KCNK12: variants seen among roughly 807,000 people sequenced by gnomAD.
KCNK12 encodes the protein potassium channel subfamily K member 12.
Under a neutral mutation model 25.3 loss-of-function variants are expected in KCNK12, and 6 were observed. That is an observed-to-expected ratio of 0.24 (90% CI 0.13 to 0.47). The LOEUF (loss-of-function observed/expected upper bound fraction) is 0.47. Ranked by LOEUF, KCNK12 falls within the 20% of genes least tolerant of loss-of-function variation. The pLI, the probability that KCNK12 is intolerant of heterozygous loss-of-function variation, is 0.99. For synonymous variants in KCNK12, 331 were observed against 311.1 expected, an observed-to-expected ratio of 1.06 and a Z score of -0.67; for missense variants, 444 against 661.7, an observed-to-expected ratio of 0.67 and a Z score of 3.61.
chr2:47,518,699 A>G lies in KCNK12; in HGVS notation c.*2208T>C. On this transcript the variant is annotated 3_prime_UTR_variant, in exon 2 of 2. Transcript: ENST00000327876. The surrounding 1 kb of genome is among the most constrained non-coding windows in gnomAD (Gnocchi z 4.1). The stretch of plus-strand genomic sequence containing the variant: ...TGATGCCTGGGTTTTAGGCTGCTGT[A>G]CTGTTGCTGGGGCTCACTTCCTGTG... 6.6e-6 allele frequency: 1 copy of G among 152,562 alleles called. No individual in the cohort carries two copies. The highest frequency in any genetic ancestry group is 1.5e-5 in the Non-Finnish European group (1 of 68,264). 9.5% of individuals were successfully genotyped at this position (152,562 alleles called of 1,614,324 possible). A position where few individuals can be genotyped will look rare whatever the true frequency, so the allele number is the denominator to read the frequency against.
rs1668874786 is a variant in KCNK12, at chr2:47,529,636, AGTTCCTTACC to A, written c.392-7838_392-7829del. On this transcript the variant is annotated intron_variant, in intron 1 of 1. Transcript: ENST00000327876. The surrounding 1 kb of genome is among the most constrained non-coding windows in gnomAD (Gnocchi z 4.3). ...TAGTCTAGGCCAATCAGGATAATCCAGTTCCTTACCATGACTGGCTCAAGAATGGGTAGAC... is the reference window on the plus strand; with the variant it reads ...TAGTCTAGGCCAATCAGGATAATCCAATGACTGGCTCAAGAATGGGTAGAC... 6.6e-6 allele frequency among the ~76,000 whole-genome samples: 1 copy of A among 152,226 alleles called. No homozygotes were observed. Among genetic ancestry groups the A allele is most frequent in the African/African-American group, 2.4e-5 (1 of 41,456 alleles).
intron 1 of KCNK12, among the ~76,000 whole-genome samples, chr2:47,532,386 G>C (rs561231191): frequency 6.6e-6 from 1 of 152,094 alleles, no homozygotes; most frequent in African/African-American, 2.4e-5. Flanking sequence ...CTTTGAGACA[G>C]GATCTTGCTC....
intron 1 of KCNK12, among the ~76,000 whole-genome samples, chr2:47,559,261 C>T (rs1364638173): frequency 1.3e-5 from 2 of 152,322 alleles, no homozygotes; most frequent in East Asian, 1.9e-4. Flanking sequence ...CACCTGCCAG[C>T]CACTGAGAGA....
Position 47,512,771 on chromosome 2 carries a change from G to T in KCNK12, c.*8136C>A. The T allele has an allele frequency of 4.6e-6, 1 of 217,726 alleles. No individual in the cohort carries two copies. Among genetic ancestry groups the T allele is most frequent in the Non-Finnish European group, 9.2e-6 (1 of 108,778 alleles). 13.5% of individuals were successfully genotyped at this position (217,726 alleles called of 1,614,324 possible). A position where few individuals can be genotyped will look rare whatever the true frequency, so the allele number is the denominator to read the frequency against. ...CCACTGGGAGAGCCTGTTGGTTGGG[G>T]AGGGCAGGAAGAGGGAGGAAAGAGG... On this transcript the variant is annotated 3_prime_UTR_variant, in exon 2 of 2. Transcript: ENST00000327876.
At chr2:47,539,539 G>A (rs1396161958) in intron 1 of KCNK12, among the ~76,000 whole-genome samples, 1 of 152,094 alleles carries the variant, frequency 6.6e-6, no homozygotes, top group African/African-American at 2.4e-5. Context: ...GGCCACAAAC[G>A]CAGGAGAGGA....
intron 1 of KCNK12, among the ~76,000 whole-genome samples, chr2:47,522,596 C>A (rs540440863): frequency 6.6e-6 from 1 of 152,222 alleles, no homozygotes; most frequent in Non-Finnish European, 1.5e-5. Context: ...CCACCTCAGC[C>A]TCCCAAGTGA....
Position 47,542,487 on chromosome 2 carries a change from T to A in KCNK12, c.392-20679A>T, listed in dbSNP as rs1435935395. 2.0e-5 allele frequency among the ~76,000 whole-genome samples: 3 copies of A among 152,236 alleles called. No individual in the cohort carries two copies. The East Asian group carries it at 5.8e-4, about 29-fold the overall frequency. On this transcript the variant is annotated intron_variant, in intron 1 of 1. Transcript: ENST00000327876. Reference sequence around the variant, plus strand: ...ATGCCTTGATAAACTGTAAAATGCCTCTGCCACCCATTCTCCCTTCTTGCT... The same window carrying A: ...ATGCCTTGATAAACTGTAAAATGCCACTGCCACCCATTCTCCCTTCTTGCT...
chr2:47,534,521 C>G (rs1342059418), intron 1 of KCNK12, among the ~76,000 whole-genome samples: 1 of 124,194 alleles, frequency 8.1e-6, no homozygotes, highest in Admixed American at 7.9e-5. Flanking sequence ...TCTAACCCCC[C>G]CCCCCGCCCC....
rs1396846932 is a variant in KCNK12, at chr2:47,562,843, T to G, written c.391+7098A>C. 4.3e-6 allele frequency: 1 copy of G among 232,944 alleles called. No homozygotes were observed. Among genetic ancestry groups the G allele is most frequent in the Non-Finnish European group, 8.5e-6 (1 of 117,976 alleles). 14.4% of individuals were successfully genotyped at this position (232,944 alleles called of 1,614,324 possible). A position where few individuals can be genotyped will look rare whatever the true frequency, so the allele number is the denominator to read the frequency against. On this transcript the variant is annotated intron_variant, in intron 1 of 1. Transcript: ENST00000327876. This position sits in a 1 kb window ranked among gnomAD's most constrained non-coding sequence, Gnocchi z 4.8. ...TATGACCGTGTCTCTTAAAAAAACT[T>G]TGGTGAGGATCAGAGGCTGGACTCT...
rs371819576 is a variant in KCNK12, at chr2:47,562,277, G to A, written c.391+7664C>T. 2.5e-6 allele frequency: 1 copy of A among 396,438 alleles called. No homozygotes were observed. 24.6% of individuals were successfully genotyped at this position (396,438 alleles called of 1,614,324 possible). Reference sequence around the variant, plus strand: ...TTCCTGGTCTGTAACATCTGTTGCTGTTGAGTATAAAGACACTGTGAACAT... The same window carrying A: ...TTCCTGGTCTGTAACATCTGTTGCTATTGAGTATAAAGACACTGTGAACAT... On this transcript the variant is annotated intron_variant, in intron 1 of 1. Coordinates refer to ENST00000327876, the MANE Select transcript of KCNK12 (RefSeq NM_022055.2). The surrounding 1 kb of genome is among the most constrained non-coding windows in gnomAD (Gnocchi z 4.8).
rs1054756259 is a variant in KCNK12, at chr2:47,551,261, G to A, written c.391+18680C>T. ...CTAAGGGACCCTGGCACTGGCTGGA[G>A]CCCTCTTCCTCCAGGCAGCCACATG... On this transcript the variant is annotated intron_variant, in intron 1 of 1. Transcript: ENST00000327876. This position sits in a 1 kb window ranked among gnomAD's most constrained non-coding sequence, Gnocchi z 5.3. Among the ~76,000 whole-genome samples the A allele has an allele frequency of 6.6e-6, 1 of 151,848 alleles. No homozygotes were observed. The highest frequency in any genetic ancestry group is 2.4e-5 in the African/African-American group (1 of 41,380).
intron 1 of KCNK12, among the ~76,000 whole-genome samples, chr2:47,522,380 T>G (rs1400418171): frequency 6.6e-6 from 1 of 152,214 alleles, no homozygotes; most frequent in Non-Finnish European, 1.5e-5. Flanking sequence ...ACTTGGAAAC[T>G]CCACTGCCTA....
rs1558543912 is a variant in KCNK12, at chr2:47,516,639, G to C, written c.*4268C>G. ...CACCCTTCAAGTCCTCTCTTGGAATGCTGCTCAGAAAAATAGATGTATTGT... is the reference window on the plus strand; with the variant it reads ...CACCCTTCAAGTCCTCTCTTGGAATCCTGCTCAGAAAAATAGATGTATTGT... On this transcript the variant is annotated 3_prime_UTR_variant, in exon 2 of 2. Coordinates refer to ENST00000327876, the MANE Select transcript of KCNK12 (RefSeq NM_022055.2). The C allele has an allele frequency of 6.6e-6, 1 of 152,366 alleles. No homozygotes were observed. Among genetic ancestry groups the C allele is most frequent in the South Asian group, 2.1e-4 (1 of 4,824 alleles). 9.4% of individuals were successfully genotyped at this position (152,366 alleles called of 1,614,324 possible).
In KCNK12 at chr2:47,519,954, G is replaced by C. The variant is rs960966610; in HGVS notation, c.*953C>G. 1 of 152,154 alleles carries C rather than the reference G, an allele frequency of 6.6e-6. No homozygotes were observed. 9.4% of individuals were successfully genotyped at this position (152,154 alleles called of 1,614,324 possible). ...CCCGGCAACCCCATGATCTCTTAAA[G>C]GGGGAAAAGTTGAACTGATCAACAG... On this transcript the variant is annotated 3_prime_UTR_variant, in exon 2 of 2. Coordinates refer to ENST00000327876, the MANE Select transcript of KCNK12 (RefSeq NM_022055.2).
rs184606630 is a variant in KCNK12, at chr2:47,565,229, T to C, written c.391+4712A>G. ...AGGATGCGCCTCTCCTTCTGGATAA[T>C]GTGTTTCATTCCAGATATCAAAACT... On this transcript the variant is annotated intron_variant, in intron 1 of 1. Transcript: ENST00000327876. This position sits in a 1 kb window ranked among gnomAD's most constrained non-coding sequence, Gnocchi z 5.0. The C allele has an allele frequency of 3.0e-4, 46 of 152,308 alleles. No homozygotes were observed. Among genetic ancestry groups the C allele is most frequent in the African/African-American group, 1.1e-3 (45 of 41,558 alleles). 9.4% of individuals were successfully genotyped at this position (152,308 alleles called of 1,614,324 possible). A position where few individuals can be genotyped will look rare whatever the true frequency, so the allele number is the denominator to read the frequency against.
rs970110514 is a variant in KCNK12, at chr2:47,520,880, G to A, written c.*27C>T. 1 of 1,236,734 alleles carries A rather than the reference G, an allele frequency of 8.1e-7. No individual in the cohort carries two copies. The highest frequency in any genetic ancestry group is 3.7e-5 in the South Asian group (1 of 27,340). The allele number at this position is 1,236,734 out of a possible 1,614,324, so 76.6% of individuals were successfully genotyped here. The stretch of plus-strand genomic sequence containing the variant: ...CCCGGCGGCCCCGCGGCCTGGAGAG[G>A]GTCCCCGGCGCGGGCGGACGGGCGG... On this transcript the variant is annotated 3_prime_UTR_variant, in exon 2 of 2. Transcript: ENST00000327876. The surrounding 1 kb of genome is among the most constrained non-coding windows in gnomAD (Gnocchi z 5.0).
In KCNK12 at chr2:47,570,588, C is replaced by T. The variant is rs550082868; in HGVS notation, c.-257G>A. On this transcript the variant is annotated 5_prime_UTR_variant, in exon 1 of 2. Transcript: ENST00000327876. ...GGGCAGGGGCGCTCCTCTGCGCGCC[C>T]CGACGCCTCGCCGGCTCCCGCGGCT... 70 of 270,374 alleles carry T rather than the reference C, an allele frequency of 2.6e-4. No homozygotes were observed. The highest frequency in any genetic ancestry group is 1.5e-3 in the African/African-American group (67 of 44,704). 16.7% of individuals were successfully genotyped at this position (270,374 alleles called of 1,614,324 possible).
In KCNK12 at chr2:47,512,929, A is replaced by T. The variant is rs569637636; in HGVS notation, c.*7978T>A. The T allele has an allele frequency of 6.4e-6, 1 of 155,476 alleles. No individual in the cohort carries two copies. Among genetic ancestry groups the T allele is most frequent in the South Asian group, 2.0e-4 (1 of 5,076 alleles). 9.6% of individuals were successfully genotyped at this position (155,476 alleles called of 1,614,324 possible). A position where few individuals can be genotyped will look rare whatever the true frequency, so the allele number is the denominator to read the frequency against. On this transcript the variant is annotated 3_prime_UTR_variant, in exon 2 of 2. Coordinates refer to ENST00000327876, the MANE Select transcript of KCNK12 (RefSeq NM_022055.2). ...ATAATGTCCCCTCAGTGGCCTGAAC[A>T]TGAGATGAACAACACTCTTCTTGGG...
rs545489133 is a variant in KCNK12 at position 47,552,777 on chromosome 2, GA to G, written c.391+17163del. Among the ~76,000 whole-genome samples the G allele has an allele frequency of 8.8e-4, 132 of 149,804 alleles. 1 individual carries two copies. In the South Asian group the frequency reaches 0.027, roughly 30 times the overall value. On this transcript the variant is annotated intron_variant, in intron 1 of 1. Transcript: ENST00000327876. ...AGTGAGACTCTGGCTCCAAAAAAAAGAAAAAAAAAGGAAAGAAATCCCCAGG... is the reference window on the plus strand; with the variant it reads ...AGTGAGACTCTGGCTCCAAAAAAAAGAAAAAAAAGGAAAGAAATCCCCAGG...
Sources: gnomAD v4.1 joint callset for allele counts (sites outside exome capture counted in the v4.1 genomes callset) on GRCh38, gnomAD v4.1.1 for gene constraint, Gnocchi (gnomAD v3.1) non-coding constraint, MANE v1.5 for transcripts, NCBI Gene and HGNC (gene_info 2026-07-23, HGNC 2026-07-21) for gene names.